The following SPAST variants were observed in gnomAD, a reference collection of about 807,000 sequenced individuals.
SPAST encodes the protein spastin.
In SPAST, 30 loss-of-function variants were observed where a neutral mutation model predicts 76.6. The observed-to-expected ratio is 0.39, with a 90% CI of 0.29 to 0.53. SPAST has a LOEUF of 0.53. Ranked by LOEUF, SPAST falls within the 20% of genes least tolerant of loss-of-function variation. The pLI is 0.68. For missense variants in SPAST, 717 were observed against 770.5 expected (o/e 0.93, Z 0.82); for synonymous variants, 305 against 281.0 (o/e 1.09, Z -0.86).
chr2:32,064,389 C>T (rs1676425982), intron 1 of SPAST, 143 bp downstream of exon 1: 1 of 748,776 alleles, frequency 1.3e-6, no homozygotes, highest in Admixed American at 2.8e-5. Context: ...ACTGCTTTCC[C>T]GTAGGTCGGA....
At chr2:32,081,999 C>T in intron 1 of SPAST, among the ~76,000 whole-genome samples, 3 of 134,194 alleles carry the variant, frequency 2.2e-5, no homozygotes, top group African/African-American at 2.8e-5. Context: ...TTTTCTAGTT[C>T]TCTCTCTTTT....
rs145069477 is a variant in SPAST, at chr2:32,091,363, C to T, written c.586+1758C>T. Among the ~76,000 whole-genome samples the T allele has an allele frequency of 9.7e-3, 1,452 of 150,144 alleles. 26 individuals carry two copies. The highest frequency in any genetic ancestry group is 0.051 in the South Asian group (239 of 4,732). On this transcript the variant is annotated intron_variant, in intron 3 of 16. Transcript: ENST00000315285. ...TGGTGCAATCTCGGCTCAATGCACC[C>T]TCCACCTCCTGGGTTCAAACTATTC...
At chr2:32,118,835 C>T (rs764208778) in intron 7 of SPAST, among the ~76,000 whole-genome samples, 1 of 151,988 alleles carries the variant, frequency 6.6e-6, no homozygotes. Context: ...AAGGTAATAC[C>T]AAGGAAATAT....
intron 4 of SPAST, among the ~76,000 whole-genome samples, chr2:32,110,115 TTG>T (rs1374386647): frequency 9.7e-5 from 14 of 143,812 alleles, no homozygotes; most frequent in Non-Finnish European, 1.7e-4. Context: ...TTTTTTTTTT[TTG>T]TTTTTTTTGT....
Position 32,063,574 on chromosome 2 carries a change from C to A in SPAST, c.-258C>A. ...CGCGTGCGCGGCCGCCGCTGGGAGC[C>A]ACCAGGCGGCGGAGAGGACAGCGAC... On this transcript the variant is annotated 5_prime_UTR_variant, in exon 1 of 17. Coordinates refer to ENST00000315285, the MANE Select transcript of SPAST (RefSeq NM_014946.4). 7.8e-6 allele frequency: 4 copies of A among 511,096 alleles called. No individual in the cohort carries two copies. The South Asian group carries it at 1.0e-4, about 13-fold the overall frequency. 31.7% of individuals were successfully genotyped at this position (511,096 alleles called of 1,614,324 possible).
At chr2:32,125,642 T>A (rs1419962108) in intron 7 of SPAST, among the ~76,000 whole-genome samples, 7 of 152,146 alleles carry the variant, frequency 4.6e-5, no homozygotes, top group Admixed American at 4.6e-4. Flanking sequence ...TACCCTTGAT[T>A]CCTGCCATGC....
intron 1 of SPAST, among the ~76,000 whole-genome samples, chr2:32,065,024 T>C (rs901499915): frequency 6.9e-6 from 1 of 144,420 alleles, no homozygotes; most frequent in Non-Finnish European, 1.5e-5. Flanking sequence ...TTAAGCTAAC[T>C]TTTTTTTTTT....
In SPAST at chr2:32,109,807, TAC is replaced by T. The variant is rs1476509178; in HGVS notation, c.683-4825_683-4824del. Among the ~76,000 whole-genome samples, 4 of 148,470 alleles carry T rather than the reference TAC, an allele frequency of 2.7e-5. No homozygotes were observed. In the South Asian group the frequency reaches 6.4e-4, roughly 24 times the overall value. ...ACATACATATATAGTTACATATGTA[TAC>T]ACACATACATATATAGTTACATATG... is the stretch of plus-strand genomic sequence containing the variant. On this transcript the variant is annotated intron_variant, in intron 4 of 16. Coordinates refer to ENST00000315285, the MANE Select transcript of SPAST (RefSeq NM_014946.4).
intron 1 of SPAST, among the ~76,000 whole-genome samples, chr2:32,074,889 T>C (rs1676890935): frequency 6.6e-6 from 1 of 152,144 alleles, no homozygotes. Flanking sequence ...GTCCTGACCA[T>C]ATAGGATCTT....
chr2:32,136,535 T>C lies in SPAST; in HGVS notation c.1246-28T>C, dbSNP rs781348087. The C allele has an allele frequency of 4.0e-6, 6 of 1,486,004 alleles. No homozygotes were observed. The South Asian group carries it at 6.8e-5, about 17-fold the overall frequency. 92.1% of individuals were successfully genotyped at this position (1,486,004 alleles called of 1,614,324 possible). ...AACTGGAATAATGTTGCATTTTATG[T>C]GTATAACAGTATAATGCTTTGTTTT... On this transcript the variant is annotated intron_variant, in intron 9 of 16. Transcript: ENST00000315285.
chr2:32,132,559 A>G (rs1199133032), intron 9 of SPAST, among the ~76,000 whole-genome samples: 1 of 151,724 alleles, frequency 6.6e-6, no homozygotes, highest in Non-Finnish European at 1.5e-5. Context: ...CAGCCTTTCA[A>G]ATATATAGGA....
intron 4 of SPAST, among the ~76,000 whole-genome samples, chr2:32,111,341 C>G (rs1558320783): frequency 2.4e-5 from 3 of 127,046 alleles, no homozygotes; most frequent in Non-Finnish European, 5.2e-5. Context: ...CGTATATATA[C>G]AGTATACTGT....
intron 12 of SPAST, among the ~76,000 whole-genome samples, chr2:32,138,072 G>T (rs556946941): frequency 1.3e-5 from 2 of 152,142 alleles, no homozygotes; most frequent in Non-Finnish European, 2.9e-5. Context: ...ACCATTGATG[G>T]ACACTTAGAT....
At chr2:32,082,137 C>T (rs1029865414) in intron 1 of SPAST, among the ~76,000 whole-genome samples, 12 of 149,882 alleles carry the variant, frequency 8.0e-5, no homozygotes, top group Admixed American at 3.3e-4. Flanking sequence ...GGAGTACAGG[C>T]ACCCACCCCC....
At chr2:32,112,864 G>C (rs1678669871) in intron 4 of SPAST, among the ~76,000 whole-genome samples, 1 of 151,720 alleles carries the variant, frequency 6.6e-6, no homozygotes, top group Admixed American at 6.6e-5. Context: ...CTAATTTGCT[G>C]ACTGACTTAA....
intron 4 of SPAST, among the ~76,000 whole-genome samples, chr2:32,100,985 A>G (rs1395695641): frequency 1.3e-5 from 2 of 152,162 alleles, no homozygotes; most frequent in Non-Finnish European, 2.9e-5. Context: ...CAGTAATGGG[A>G]TGGCTGGGTC....
intron 1 of SPAST, among the ~76,000 whole-genome samples, chr2:32,070,443 G>A (rs935110338): frequency 6.6e-6 from 1 of 152,148 alleles, no homozygotes; most frequent in Non-Finnish European, 1.5e-5. Flanking sequence ...AAGAGGAATA[G>A]CACAGCAAAT....
At position 32,063,583 on chromosome 2, in the gene SPAST, G is replaced by A; in HGVS notation, c.-249G>A. ...GGCCGCCGCTGGGAGCCACCAGGCG[G>A]CGGAGAGGACAGCGACAGGAAGGGA... is the stretch of plus-strand genomic sequence containing the variant. On this transcript the variant is annotated 5_prime_UTR_variant, in exon 1 of 17. Coordinates refer to ENST00000315285, the MANE Select transcript of SPAST (RefSeq NM_014946.4). The A allele has an allele frequency of 1.9e-6, 1 of 517,992 alleles. No individual in the cohort carries two copies. Among genetic ancestry groups the A allele is most frequent in the Non-Finnish European group, 3.4e-6 (1 of 296,742 alleles). The allele number at this position is 517,992 out of a possible 1,614,324, so 32.1% of individuals were successfully genotyped here.
At chr2:32,153,776 T>C (rs1314007625) in intron 16 of SPAST, among the ~76,000 whole-genome samples, 2 of 152,110 alleles carry the variant, frequency 1.3e-5, no homozygotes, top group East Asian at 3.9e-4. Context: ...ACCAAATTAA[T>C]ATAAAAATGC....
Sources: allele counts gnomAD v4.1 joint callset (sites outside exome capture counted in the v4.1 genomes callset), GRCh38; gene constraint gnomAD v4.1.1; transcripts MANE v1.5; gene names NCBI Gene and HGNC (gene_info 2026-07-23, HGNC 2026-07-21).